The following PRDM16 variants were observed in gnomAD, a reference collection of about 807,000 sequenced individuals.
PRDM16 encodes the protein PR/SET domain 16, also known as histone-lysine N-methyltransferase PRDM16.
Under a neutral mutation model 110.6 loss-of-function variants are expected in PRDM16, and 23 were observed. That is an observed-to-expected ratio of 0.21 (90% CI 0.15 to 0.29). The LOEUF (loss-of-function observed/expected upper bound fraction) is 0.29. Among genes scored for constraint, PRDM16 ranks in the 10% least tolerant of loss-of-function variants. The pLI is 1.00. For synonymous variants in PRDM16, 799 were observed against 781.8 expected (o/e 1.02, Z -0.37); for missense variants, 1,615 against 1,794.3 (o/e 0.90, Z 1.81).
chr1:3,418,872 G>T, intron 12 of PRDM16, 128 bp downstream of exon 12: 1 of 727,770 alleles, frequency 1.4e-6, no homozygotes, highest in Non-Finnish European at 2.4e-6. Context: ...GGGCAGGGCC[G>T]GGTGCTGAAT....
chr1:3,343,876 T>C (rs546089016), intron 3 of PRDM16, among the ~76,000 whole-genome samples: 6 of 152,272 alleles, frequency 3.9e-5, no homozygotes, highest in Admixed American at 3.9e-4. Context: ...CTCCTGACCT[T>C]GTGATCCACC....
rs375126788 is a variant in PRDM16 at position 3,417,891 on chromosome 1, G to A, written c.2755G>A (p.Gly919Ser). ...ESFAAMKADS[G>S]SSLQPLPHHP... ...CTTTGCAGCCATGAAGGCGGACTCG[G>A]GCAGCTCCCTGCAGCCCCTCCCCCA... Residue 919 changes from glycine to serine, a missense_variant, in exon 11 of 17, where the codon GGC becomes AGC. Gly to Ser is a moderately conservative substitution (Grantham distance 56). Transcript: ENST00000270722. 6.2e-7 allele frequency: 1 copy of A among 1,613,600 alleles called. No individual in the cohort carries two copies.
Position 3,365,702 on chromosome 1 carries a change from G to A in PRDM16, c.439-19450G>A, listed in dbSNP as rs202118038. Among the ~76,000 whole-genome samples, 9 of 152,340 alleles carry A rather than the reference G, an allele frequency of 5.9e-5. No individual in the cohort carries two copies. The East Asian group carries it at 7.7e-4, about 13-fold the overall frequency. On this transcript the variant is annotated intron_variant, in intron 3 of 16. Coordinates refer to ENST00000270722, the MANE Select transcript of PRDM16 (RefSeq NM_022114.4). ...ACTGCACACACAGGTCATAAATCCC[G>A]CCTAAGTGGCTCCCGTCACCTCGCC... is the stretch of plus-strand genomic sequence containing the variant.
At chr1:3,192,377 T>C (rs1638334741) in intron 2 of PRDM16, among the ~76,000 whole-genome samples, 1 of 152,176 alleles carries the variant, frequency 6.6e-6, no homozygotes, top group African/African-American at 2.4e-5. Flanking sequence ...TTCCAGGCTC[T>C]GGATTAATGA....
intron 1 of PRDM16, among the ~76,000 whole-genome samples, chr1:3,096,339 G>A (rs560282914): frequency 1.4e-4 from 22 of 152,032 alleles, no homozygotes; most frequent in South Asian, 1.0e-3. Context: ...CCTTCCTCAC[G>A]TCTCCTGCCC....
intron 3 of PRDM16, among the ~76,000 whole-genome samples, chr1:3,261,936 AC>A (rs1640172623): frequency 6.6e-6 from 1 of 151,618 alleles, no homozygotes; most frequent in African/African-American, 2.4e-5. Flanking sequence ...CTGTCATCCT[AC>A]CCCCCACCCT....
intron 12 of PRDM16, among the ~76,000 whole-genome samples, chr1:3,422,420 T>A (rs1638466185): frequency 6.6e-6 from 1 of 152,132 alleles, no homozygotes; most frequent in African/African-American, 2.4e-5. Context: ...TGCCTCAACA[T>A]GCCAGAGGGG....
At position 3,069,450 on chromosome 1, in the gene PRDM16, C is replaced by T. The variant is rs1274143395; in HGVS notation, c.37+154C>T. Among the ~76,000 whole-genome samples, 1 of 143,824 alleles carries T rather than the reference C, an allele frequency of 7.0e-6. No homozygotes were observed. The highest frequency in any genetic ancestry group is 6.8e-5 in the Admixed American group (1 of 14,668). The allele number at this position is 143,824 out of a possible 152,430, so 94.4% of individuals were successfully genotyped here. A position where few individuals can be genotyped will look rare whatever the true frequency, so the allele number is the denominator to read the frequency against. On this transcript the variant is annotated intron_variant, in intron 1 of 16. Transcript: ENST00000270722. The surrounding 1 kb of genome is among the most constrained non-coding windows in gnomAD (Gnocchi z 6.1). ...GCGGCCCGGGGGGCTGCTCCGCCTC[C>T]CGCGCTCCGGGGCGACCGGGCTCGG... is the stretch of plus-strand genomic sequence containing the variant.
At chr1:3,367,221 A>G (rs1642831866) in intron 3 of PRDM16, among the ~76,000 whole-genome samples, 1 of 152,066 alleles carries the variant, frequency 6.6e-6, no homozygotes, top group Non-Finnish European at 1.5e-5. Context: ...GCGAGCCGAG[A>G]TGGCACCATT....
chr1:3,071,522 G>GC (rs1200997797), intron 1 of PRDM16, among the ~76,000 whole-genome samples: 1 of 152,236 alleles, frequency 6.6e-6, no homozygotes, highest in Non-Finnish European at 1.5e-5. Flanking sequence ...CTTGTCCCAG[G>GC]CCCCCCAAGG....
intron 1 of PRDM16, among the ~76,000 whole-genome samples, chr1:3,161,371 G>A (rs766759407): frequency 5.9e-5 from 9 of 152,206 alleles, no homozygotes; most frequent in Admixed American, 6.5e-5. Context: ...ACAAACCGAG[G>A]TGGTTTCCCA....
At chr1:3,378,431 C>T (rs537943751) in intron 3 of PRDM16, among the ~76,000 whole-genome samples, 1 of 152,284 alleles carries the variant, frequency 6.6e-6, no homozygotes, top group Non-Finnish European at 1.5e-5. Flanking sequence ...GCTCCCAGAA[C>T]AGGGCTCGGG....
At chr1:3,234,138 C>G (rs1012660338) in intron 2 of PRDM16, among the ~76,000 whole-genome samples, 2 of 152,136 alleles carry the variant, frequency 1.3e-5, no homozygotes, top group Non-Finnish European at 2.9e-5. Flanking sequence ...TCTTGGAACC[C>G]GGGCATGGGA....
intron 1 of PRDM16, among the ~76,000 whole-genome samples, chr1:3,121,278 G>C (rs2100662571): frequency 6.6e-6 from 1 of 152,334 alleles, no homozygotes; most frequent in South Asian, 2.1e-4. Context: ...GGTGCCTCCG[G>C]TCCTAGCAAT....
At chr1:3,389,932 C>A (rs942893903) in intron 4 of PRDM16, among the ~76,000 whole-genome samples, 1 of 149,442 alleles carries the variant, frequency 6.7e-6, no homozygotes, top group Admixed American at 6.8e-5. Context: ...AATCTCCATG[C>A]ACTTTTCTGG....
chr1:3,182,069 C>T (rs1020701817), intron 1 of PRDM16, among the ~76,000 whole-genome samples: 18 of 152,264 alleles, frequency 1.2e-4, no homozygotes, highest in Non-Finnish European at 2.2e-4. Context: ...TTCACACGCA[C>T]TCTGGGGGCC....
intron 3 of PRDM16, among the ~76,000 whole-genome samples, chr1:3,262,854 C>T (rs1207252769): frequency 3.3e-5 from 5 of 150,324 alleles, no homozygotes; most frequent in African/African-American, 7.4e-5. Context: ...ACAGACAACA[C>T]GAGGGTGTGC....
chr1:3,084,092 G>A (rs552148693), intron 1 of PRDM16, among the ~76,000 whole-genome samples: 50 of 152,340 alleles, frequency 3.3e-4, no homozygotes, highest in Middle Eastern at 3.4e-3. Context: ...GGGGACGACC[G>A]AATCCCAGCG....
At position 3,157,426 on chromosome 1, in the gene PRDM16, A is replaced by T. The variant is rs1203223100; in HGVS notation, c.38-28699A>T. On this transcript the variant is annotated intron_variant, in intron 1 of 16. Coordinates refer to ENST00000270722, the MANE Select transcript of PRDM16 (RefSeq NM_022114.4). The surrounding 1 kb of genome is among the most constrained non-coding windows in gnomAD (Gnocchi z 4.8). ...CCAGGCCTTTTGCGATCCCATTAAAAAAAAAAAAAAAAAAAACACCTTTGT... is the reference window on the plus strand; with the variant it reads ...CCAGGCCTTTTGCGATCCCATTAAATAAAAAAAAAAAAAAAACACCTTTGT... Among the ~76,000 whole-genome samples, 2 of 115,470 alleles carry T rather than the reference A, an allele frequency of 1.7e-5. No homozygotes were observed. The highest frequency in any genetic ancestry group is 2.6e-4 in the East Asian group (1 of 3,884). The allele number at this position is 115,470 out of a possible 152,430, so 75.8% of individuals were successfully genotyped here. A position where few individuals can be genotyped will look rare whatever the true frequency, so the allele number is the denominator to read the frequency against.
Sources: gnomAD v4.1 joint callset for allele counts (sites outside exome capture counted in the v4.1 genomes callset) on GRCh38, gnomAD v4.1.1 for gene constraint, Gnocchi (gnomAD v3.1) non-coding constraint, MANE v1.5 for transcripts, NCBI Gene and HGNC (gene_info 2026-07-23, HGNC 2026-07-21) for gene names.